Variants in KIAA0586 observed in about 807,000 individuals in gnomAD.
KIAA0586 encodes protein TALPID3.
Under a neutral mutation model 169.8 loss-of-function variants are expected in KIAA0586, and 144 were observed. The observed-to-expected ratio is 0.85, with a 90% CI of 0.74 to 0.97. KIAA0586 has a LOEUF of 0.97. KIAA0586 is among the 50% of genes least tolerant of loss of function. The pLI is 0.00. For missense variants in KIAA0586, 1,854 were observed against 1,823.0 expected (o/e 1.02, Z -0.31); for synonymous variants, 625 against 612.4 (o/e 1.02, Z -0.30).
intron 12 of KIAA0586, among the ~76,000 whole-genome samples, chr14:58,459,279 G>A (rs1595185479): frequency 6.6e-6 from 1 of 151,958 alleles, no homozygotes; most frequent in African/African-American, 2.4e-5. Flanking sequence ...TTCTAATGAA[G>A]TTATGAAAAA....
At chr14:58,552,838 G>A (rs2047223244), downstream of KIAA0586, among the ~76,000 whole-genome samples, 1 of 152,212 alleles carries the variant, frequency 6.6e-6, no homozygotes, top group Non-Finnish European at 1.5e-5. Flanking sequence ...GTAAAGAGTT[G>A]AAAGTGTATG....
chr14:58,523,048 A>G (rs2045335013), intron 29 of KIAA0586, among the ~76,000 whole-genome samples: 2 of 152,174 alleles, frequency 1.3e-5, no homozygotes, highest in South Asian at 4.1e-4. Flanking sequence ...TATAATATCT[A>G]TATCTATGTC....
chr14:58,502,131 T>C (rs556837478), intron 27 of KIAA0586, among the ~76,000 whole-genome samples: 44 of 152,056 alleles, frequency 2.9e-4, no homozygotes, highest in African/African-American at 1.1e-3. Context: ...AACCATAATG[T>C]CTTTTTTTTT....
chr14:58,558,399 A>G, the KIAA0586 span, among the ~76,000 whole-genome samples: 1 of 152,200 alleles, frequency 6.6e-6, no homozygotes, highest in Non-Finnish European at 1.5e-5. Context: ...TTCAGTTGAC[A>G]TTTTATGTCC....
intron 4 of KIAA0586, chr14:58,439,779 G>T: frequency 2.1e-6 from 2 of 940,050 alleles, no homozygotes; most frequent in Non-Finnish European, 2.5e-6. Context: ...TATCAAAGAG[G>T]AGTAAGTTTA....
Position 58,488,823 on chromosome 14 carries a change from A to G in KIAA0586, c.3730A>G (p.Ile1244Val), listed in dbSNP as rs1159438053. ...VTETETLDKP[I>V]SEGEILFSCG... ...TGAAACTGAAACTTTAGATAAACCC[A>G]TCTCTGAAGGAGAGATTTTATTTAG... is the stretch of plus-strand genomic sequence containing the variant. The change falls in exon 24 of 31, where the codon ATC (isoleucine) becomes GTC (valine). Residue 1244 changes from isoleucine to valine, a missense_variant. Transcript: ENST00000652326. 1.9e-6 allele frequency: 3 copies of G among 1,613,700 alleles called. No individual in the cohort carries two copies. Among genetic ancestry groups the G allele is most frequent in the Non-Finnish European group, 2.5e-6 (3 of 1,179,766 alleles).
chr14:58,472,324 T>A, intron 18 of KIAA0586, 45 bp downstream of exon 18: 1 of 1,119,316 alleles, frequency 8.9e-7, no homozygotes, highest in Non-Finnish European at 1.3e-6. Flanking sequence ...TCTACCGGTA[T>A]TTTTCCAGGT....
In KIAA0586 at chr14:58,432,441, A is replaced by G; in HGVS notation, c.394A>G (p.Thr132Ala). The G allele has an allele frequency of 6.4e-7, 1 of 1,559,128 alleles. No individual in the cohort carries two copies. Among genetic ancestry groups the G allele is most frequent in the South Asian group, 1.2e-5 (1 of 83,238 alleles). Reference sequence around the variant, plus strand: ...AATGGGACAGAAAGATGCTCTAAGAACAGTTTTAAAGCAAAAGTAAGTTTC... The same window carrying G: ...AATGGGACAGAAAGATGCTCTAAGAGCAGTTTTAAAGCAAAAGTAAGTTTC... ...YTMGQKDALRTVLKQKAQSMP... is the reference protein window; with the variant it reads ...YTMGQKDALRAVLKQKAQSMP... The change falls in exon 4 of 31, where the codon ACA (threonine) becomes GCA (alanine). Residue 132 changes from threonine to alanine, a missense_variant. Coordinates refer to ENST00000652326, the MANE Select transcript of KIAA0586 (RefSeq NM_001329943.3).
chr14:58,506,160 A>T (rs1434306675), intron 27 of KIAA0586, among the ~76,000 whole-genome samples: 1 of 152,088 alleles, frequency 6.6e-6, no homozygotes, highest in African/African-American at 2.4e-5. Context: ...CTTTTCTCTT[A>T]ATTCATTTGC....
chr14:58,559,254 C>T, the KIAA0586 span, among the ~76,000 whole-genome samples: 1 of 152,230 alleles, frequency 6.6e-6, no homozygotes, highest in Admixed American at 6.5e-5. Flanking sequence ...ATCCCCCCAT[C>T]TGTAGCTCTC....
At chr14:58,535,547 G>A (rs749155157) in intron 29 of KIAA0586, among the ~76,000 whole-genome samples, 1 of 152,072 alleles carries the variant, frequency 6.6e-6, no homozygotes, top group East Asian at 1.9e-4. Context: ...CTTTTATGCC[G>A]CCAGGATCCT....
chr14:58,543,559 G>GT (rs1194964913), intron 30 of KIAA0586, among the ~76,000 whole-genome samples: 1 of 152,178 alleles, frequency 6.6e-6, no homozygotes, highest in African/African-American at 2.4e-5. Flanking sequence ...AGCAGTCTGG[G>GT]TGGGGCCATT....
At chr14:58,464,112 T>C in intron 14 of KIAA0586, 1 of 400,942 alleles carries the variant, frequency 2.5e-6, no homozygotes, top group Non-Finnish European at 5.1e-6. Context: ...TGACACAGGC[T>C]GGGCTGGAAG....
chr14:58,453,817 G>A (rs926168009), intron 9 of KIAA0586, among the ~76,000 whole-genome samples: 3 of 152,040 alleles, frequency 2.0e-5, no homozygotes, highest in Admixed American at 2.0e-4. Flanking sequence ...AATGATTGTT[G>A]TAGTTAAATA....
rs774925263 is a variant in KIAA0586 at position 58,461,050 on chromosome 14, CAGTTT to C, written c.1951_1955del (p.Val651SerfsTer8). On this transcript the variant is annotated frameshift_variant, in exon 14 of 31. Transcript: ENST00000652326. LOFTEE classifies it high-confidence loss of function. ...TATATGTTACAAGTCTATGGAAAGC[CAGTTT>C]ATCAGGGCCATCGAAGCACTCTTAA... 5 of 1,611,432 alleles carry C rather than the reference CAGTTT, an allele frequency of 3.1e-6. No individual in the cohort carries two copies. Among genetic ancestry groups the C allele is most frequent in the Non-Finnish European group, 4.2e-6 (5 of 1,178,850 alleles).
chr14:58,488,172 A>G (rs996830458), intron 23 of KIAA0586, 63 bp downstream of exon 23: 2 of 1,225,838 alleles, frequency 1.6e-6, no homozygotes, highest in Non-Finnish European at 2.3e-6. Context: ...TATGTGATCC[A>G]TTGAAAACAT....
chr14:58,524,262 A>G (rs990987961), intron 29 of KIAA0586, among the ~76,000 whole-genome samples: 6 of 152,188 alleles, frequency 3.9e-5, no homozygotes, highest in Non-Finnish European at 5.9e-5. Context: ...CTTTTTACTA[A>G]AAGCTTGACT....
At chr14:58,533,826 C>T (rs2046128533) in intron 29 of KIAA0586, among the ~76,000 whole-genome samples, 1 of 152,122 alleles carries the variant, frequency 6.6e-6, no homozygotes, top group South Asian at 2.1e-4. Flanking sequence ...CCCTCTCTCC[C>T]CCTTGCCCCG....
At chr14:58,501,348 A>G (rs1258606313) in intron 27 of KIAA0586, among the ~76,000 whole-genome samples, 1 of 152,226 alleles carries the variant, frequency 6.6e-6, no homozygotes, top group Non-Finnish European at 1.5e-5. Flanking sequence ...TTCAAATGGC[A>G]TGAAATGTGA....
Sources: gnomAD v4.1 joint callset for allele counts (sites outside exome capture counted in the v4.1 genomes callset) on GRCh38, gnomAD v4.1.1 for gene constraint, MANE v1.5 for transcripts, NCBI Gene and HGNC (gene_info 2026-07-23, HGNC 2026-07-21) for gene names.